The following PTPRT variants were observed in gnomAD, a reference collection of about 807,000 sequenced individuals.
PTPRT encodes receptor-type tyrosine-protein phosphatase T.
Under a neutral mutation model 176.8 loss-of-function variants are expected in PTPRT, and 56 were observed. The ratio of observed to expected loss-of-function variants is 0.32; its 90% CI spans 0.26 to 0.40. The LOEUF (loss-of-function observed/expected upper bound fraction) is 0.40. PTPRT is among the 10% of genes least tolerant of loss of function. PTPRT has a pLI of 1.00. For missense variants in PTPRT, 1,540 were observed against 1,908.2 expected (o/e 0.81, Z 3.60); for synonymous variants, 783 against 739.0 (o/e 1.06, Z -0.96).
At chr20:42,292,090 T>C (rs2057325502) in intron 12 of PTPRT, among the ~76,000 whole-genome samples, 1 of 152,056 alleles carries the variant, frequency 6.6e-6, no homozygotes, top group South Asian at 2.1e-4. Flanking sequence ...TTTTGCTCTG[T>C]TTGACTCTAG....
intron 2 of PTPRT, among the ~76,000 whole-genome samples, chr20:42,877,531 G>C (rs1293154006): frequency 6.6e-6 from 1 of 152,210 alleles, no homozygotes; most frequent in African/African-American, 2.4e-5. Context: ...AAATGAAAGA[G>C]AAAAGGGCAG....
chr20:42,825,558 T>C (rs951477763), intron 2 of PTPRT, among the ~76,000 whole-genome samples: 6 of 152,138 alleles, frequency 3.9e-5, no homozygotes, highest in Non-Finnish European at 8.8e-5. Context: ...TGCATACACA[T>C]GTGTGTATAT....
chr20:42,320,756 C>A (rs1417174399), intron 11 of PTPRT, among the ~76,000 whole-genome samples: 1 of 151,970 alleles, frequency 6.6e-6, no homozygotes, highest in Non-Finnish European at 1.5e-5. Flanking sequence ...AATTATACCC[C>A]CAGCATTTGT....
intron 1 of PTPRT, among the ~76,000 whole-genome samples, chr20:42,917,806 G>A (rs1978876593): frequency 6.6e-6 from 1 of 152,274 alleles, no homozygotes; most frequent in East Asian, 1.9e-4. Flanking sequence ...GTTGAGGTGA[G>A]GGATGGAGAT....
intron 7 of PTPRT, among the ~76,000 whole-genome samples, chr20:42,569,112 A>ATAT (rs1344948586): frequency 1.8e-5 from 2 of 113,998 alleles, no homozygotes; most frequent in East Asian, 2.7e-4. Context: ...ATATATATAT[A>ATAT]ATTTCAACTT....
At chr20:42,323,662 A>C (rs1027500169) in intron 11 of PTPRT, among the ~76,000 whole-genome samples, 1 of 152,122 alleles carries the variant, frequency 6.6e-6, no homozygotes, top group Non-Finnish European at 1.5e-5. Flanking sequence ...CCTAATGCTA[A>C]ATGACGAGTT....
intron 3 of PTPRT, 120 bp downstream of exon 3, chr20:42,791,075 A>G (rs2077367418): frequency 1.6e-6 from 2 of 1,268,720 alleles, no homozygotes. Flanking sequence ...TAGGAGGAGA[A>G]GCACAGTAAA....
At chr20:42,654,303 G>A in intron 7 of PTPRT, among the ~76,000 whole-genome samples, 1 of 152,130 alleles carries the variant, frequency 6.6e-6, no homozygotes, top group East Asian at 1.9e-4. Context: ...GCTCTCCCTA[G>A]CACAGTGCAT....
chr20:42,113,661 C>A (rs550942147), intron 22 of PTPRT, among the ~76,000 whole-genome samples: 1 of 152,344 alleles, frequency 6.6e-6, no homozygotes, highest in South Asian at 2.1e-4. Context: ...TTCACTGGAG[C>A]CTCTGTCCTT....
chr20:42,514,079 CA>C (rs989751137), intron 7 of PTPRT, among the ~76,000 whole-genome samples: 1 of 152,134 alleles, frequency 6.6e-6, no homozygotes, highest in Admixed American at 6.5e-5. Context: ...CTTGTACAAA[CA>C]AATTTGCTAG....
chr20:42,243,380 C>T (rs1371947038), intron 14 of PTPRT, among the ~76,000 whole-genome samples: 1 of 152,142 alleles, frequency 6.6e-6, no homozygotes, highest in Non-Finnish European at 1.5e-5. Context: ...GTGATAAATA[C>T]ACAAATGAAG....
intron 2 of PTPRT, among the ~76,000 whole-genome samples, chr20:42,818,603 T>C (rs1198890625): frequency 1.3e-5 from 2 of 152,130 alleles, no homozygotes; most frequent in African/African-American, 2.4e-5. Context: ...TCTAACCCAA[T>C]GCAAATAAGC....
intron 1 of PTPRT, among the ~76,000 whole-genome samples, chr20:43,055,760 G>T (rs1987207943): frequency 6.6e-6 from 1 of 152,174 alleles, no homozygotes; most frequent in African/African-American, 2.4e-5. Flanking sequence ...TGAATTTACT[G>T]CTTTCCTGAC....
chr20:42,033,157 T>C, the PTPRT span, among the ~76,000 whole-genome samples: 1 of 152,118 alleles, frequency 6.6e-6, no homozygotes, highest in East Asian at 1.9e-4. Context: ...AGATTTTCCA[T>C]ATGGAATCAC....
At chr20:42,868,433 T>C (rs1273236209) in intron 2 of PTPRT, among the ~76,000 whole-genome samples, 2 of 152,192 alleles carry the variant, frequency 1.3e-5, no homozygotes, top group Admixed American at 6.5e-5. Flanking sequence ...TTGCAGGTGA[T>C]AAACTAGGAT....
intron 27 of PTPRT, among the ~76,000 whole-genome samples, chr20:42,093,324 G>A (rs1984834038): frequency 1.3e-5 from 2 of 152,194 alleles, no homozygotes; most frequent in Admixed American, 1.3e-4. Context: ...GTGGTTCTAG[G>A]ATTTTACCCC....
At chr20:42,153,785 C>T (rs1200190308) in intron 17 of PTPRT, among the ~76,000 whole-genome samples, 1 of 152,198 alleles carries the variant, frequency 6.6e-6, no homozygotes, top group East Asian at 1.9e-4. Context: ...CTTCTCTACA[C>T]TTGCAGCCAG....
intron 7 of PTPRT, among the ~76,000 whole-genome samples, chr20:42,591,975 C>CCTT (rs2073583523): frequency 9.8e-6 from 1 of 102,392 alleles, no homozygotes; most frequent in Non-Finnish European, 1.9e-5. Flanking sequence ...GCTGGAGATT[C>CCTT]TTTTTTTTTT....
At chr20:43,045,033 G>A (rs1441571841) in intron 1 of PTPRT, among the ~76,000 whole-genome samples, 1 of 152,222 alleles carries the variant, frequency 6.6e-6, no homozygotes, top group Non-Finnish European at 1.5e-5. Flanking sequence ...GGGCAGGCAG[G>A]AAGGAACATC....
Sources: allele counts gnomAD v4.1 joint callset (sites outside exome capture counted in the v4.1 genomes callset), GRCh38; gene constraint gnomAD v4.1.1; transcripts MANE v1.5; gene names NCBI Gene and HGNC (gene_info 2026-07-23, HGNC 2026-07-21).